The following LONP2 variants were observed in gnomAD, a reference collection of about 807,000 sequenced individuals.
The protein encoded by LONP2 is lon peptidase 2, peroxisomal.
LONP2 carries 60 observed loss-of-function variants against 85.6 expected under a neutral mutation model. That is an observed-to-expected ratio of 0.70 (90% CI 0.57 to 0.87). The LOEUF (loss-of-function observed/expected upper bound fraction) is 0.87. LONP2 is among the 40% of genes least tolerant of loss of function. The pLI, the probability that LONP2 is intolerant of heterozygous loss-of-function variation, is 0.00. For missense variants in LONP2, 860 were observed against 1,063.5 expected (o/e 0.81, Z 2.66); for synonymous variants, 395 against 389.7 (o/e 1.01, Z -0.16).
At chr16:48,286,028 G>A (rs938424848) in intron 8 of LONP2, among the ~76,000 whole-genome samples, 5 of 151,864 alleles carry the variant, frequency 3.3e-5, no homozygotes, top group Non-Finnish European at 7.4e-5. Flanking sequence ...TCATATAAGT[G>A]CATCATACGG....
chr16:48,279,501 G>A (rs1174686376), intron 8 of LONP2, among the ~76,000 whole-genome samples: 3 of 152,106 alleles, frequency 2.0e-5, no homozygotes, highest in Non-Finnish European at 4.4e-5. Context: ...GATTGGGGTC[G>A]GGGGTATCAC....
chr16:48,254,423 G>A (rs1271790871), intron 2 of LONP2, among the ~76,000 whole-genome samples: 4 of 151,032 alleles, frequency 2.6e-5, no homozygotes. Flanking sequence ...GAGTGCAGTG[G>A]TGCAATTTCG....
At chr16:48,262,990 A>AT (rs1356052727) in intron 6 of LONP2, 118 bp downstream of exon 6, 16 of 669,492 alleles carry the variant, frequency 2.4e-5, no homozygotes, top group Non-Finnish European at 1.8e-5. Context: ...TTTGTTTTCA[A>AT]TTTTTTTGAA....
In LONP2 at chr16:48,355,770, T is replaced by C. The variant is rs1299439332; in HGVS notation, c.*3968T>C. 1 of 152,230 alleles carries C rather than the reference T, an allele frequency of 6.6e-6. No individual in the cohort carries two copies. Among genetic ancestry groups the C allele is most frequent in the African/African-American group, 2.4e-5 (1 of 41,458 alleles). The allele number at this position is 152,230 out of a possible 1,614,324, so 9.4% of individuals were successfully genotyped here. ...GATGTTGAGCATTTTCTAGCATTGATTTTTAAGATGTTACCCAAAGACCCC... is the reference window on the plus strand; with the variant it reads ...GATGTTGAGCATTTTCTAGCATTGACTTTTAAGATGTTACCCAAAGACCCC... On this transcript the variant is annotated 3_prime_UTR_variant, in exon 15 of 15. Coordinates refer to ENST00000285737, the MANE Select transcript of LONP2 (RefSeq NM_031490.5).
At chr16:48,359,421 C>T (rs1201263491), downstream of LONP2, among the ~76,000 whole-genome samples, 1 of 152,198 alleles carries the variant, frequency 6.6e-6, no homozygotes, top group Non-Finnish European at 1.5e-5. Flanking sequence ...TGTTCTCTTT[C>T]ACCATAAAAA....
At chr16:48,260,933 T>C (rs931828229) in intron 4 of LONP2, among the ~76,000 whole-genome samples, 1 of 151,938 alleles carries the variant, frequency 6.6e-6, no homozygotes, top group Non-Finnish European at 1.5e-5. Flanking sequence ...AAACTAGAGG[T>C]AAGAAAAAAA....
At chr16:48,259,773 C>T (rs1322264135) in intron 4 of LONP2, among the ~76,000 whole-genome samples, 1 of 152,162 alleles carries the variant, frequency 6.6e-6, no homozygotes, top group South Asian at 2.1e-4. Context: ...TTAAAACATG[C>T]AGAAAGCTGG....
At chr16:48,276,705 A>T (rs1972216248) in intron 7 of LONP2, among the ~76,000 whole-genome samples, 1 of 152,232 alleles carries the variant, frequency 6.6e-6, no homozygotes, top group Non-Finnish European at 1.5e-5. Flanking sequence ...TGCATATGGG[A>T]TGAATACAGT....
At chr16:48,346,680 C>G (rs187270484) in intron 12 of LONP2, among the ~76,000 whole-genome samples, 1 of 152,116 alleles carries the variant, frequency 6.6e-6, no homozygotes, top group Non-Finnish European at 1.5e-5. Flanking sequence ...TATCGAACTC[C>G]TGGGCTCAAG....
At chr16:48,302,332 G>T (rs1330942412) in intron 10 of LONP2, among the ~76,000 whole-genome samples, 1 of 152,130 alleles carries the variant, frequency 6.6e-6, no homozygotes, top group African/African-American at 2.4e-5. Flanking sequence ...CTTTTTATCT[G>T]TCTTTTCTCA....
intron 2 of LONP2, among the ~76,000 whole-genome samples, chr16:48,252,677 G>C (rs907674414): frequency 6.6e-6 from 1 of 152,106 alleles, no homozygotes; most frequent in Non-Finnish European, 1.5e-5. Flanking sequence ...CTGCACAGAA[G>C]CTGTCTGTCA....
At chr16:48,282,494 T>C (rs1467758863) in intron 8 of LONP2, among the ~76,000 whole-genome samples, 1 of 152,120 alleles carries the variant, frequency 6.6e-6, no homozygotes, top group Non-Finnish European at 1.5e-5. Flanking sequence ...TCCAACATCT[T>C]ACTTCATGTC....
chr16:48,352,650 G>A lies in LONP2; in HGVS notation c.*848G>A, dbSNP rs1280324471. 1 of 152,174 alleles carries A rather than the reference G, an allele frequency of 6.6e-6. No individual in the cohort carries two copies. Among genetic ancestry groups the A allele is most frequent in the Admixed American group, 6.6e-5 (1 of 15,264 alleles). 9.4% of individuals were successfully genotyped at this position (152,174 alleles called of 1,614,324 possible). A position where few individuals can be genotyped will look rare whatever the true frequency, so the allele number is the denominator to read the frequency against. On this transcript the variant is annotated 3_prime_UTR_variant, in exon 15 of 15. Coordinates refer to ENST00000285737, the MANE Select transcript of LONP2 (RefSeq NM_031490.5). Reference sequence around the variant, plus strand: ...CTGTCTCTAAAAAAAAAAGACTCAAGTGGACCCTACAATGAAGCCTACACA... The same window carrying A: ...CTGTCTCTAAAAAAAAAAGACTCAAATGGACCCTACAATGAAGCCTACACA...
At chr16:48,343,950 T>G (rs1412439172) in intron 12 of LONP2, 1 of 152,168 alleles carries the variant, frequency 6.6e-6, no homozygotes, top group East Asian at 1.9e-4. Flanking sequence ...GGGAAAAACA[T>G]TCTAGACTTC....
chr16:48,348,009 A>G (rs1960022087), intron 13 of LONP2, 91 bp from the exon 14 acceptor site: 1 of 1,224,904 alleles, frequency 8.2e-7, no homozygotes, highest in South Asian at 1.4e-5. Flanking sequence ...ATTTACCCAA[A>G]ACATTCATTT....
intron 11 of LONP2, among the ~76,000 whole-genome samples, chr16:48,322,394 C>G (rs1328770138): frequency 6.6e-6 from 1 of 152,154 alleles, no homozygotes; most frequent in South Asian, 2.1e-4. Context: ...TTAGCCCAGT[C>G]CTGAACTAGG....
chr16:48,267,295 A>G (rs1034719957), intron 6 of LONP2, among the ~76,000 whole-genome samples: 1 of 152,146 alleles, frequency 6.6e-6, no homozygotes, highest in Non-Finnish European at 1.5e-5. Context: ...AACCATGAAA[A>G]TGCCATTCAT....
intron 11 of LONP2, among the ~76,000 whole-genome samples, chr16:48,307,465 C>T (rs538772661): frequency 1.1e-4 from 17 of 152,222 alleles, no homozygotes; most frequent in African/African-American, 2.6e-4. Flanking sequence ...TGTTTAAGTA[C>T]CCATGTATCA....
In LONP2 at chr16:48,244,393, C is replaced by A; in HGVS notation, c.5C>A (p.Ser2Ter). Residue 2 changes from serine to a stop codon, truncating the protein, a stop_gained, in exon 1 of 15, where the codon TCA (serine) becomes TAA (stop). Transcript: ENST00000285737. LOFTEE classifies it high-confidence loss of function. ...CCAGTGCGAAAGGCTGCCAGCATGT[C>A]ATCAGTGAGCCCCATCCAGATCCCC... M[S>*]SVSPIQIPSR... 1 of 1,547,916 alleles carries A rather than the reference C, an allele frequency of 6.5e-7. No individual in the cohort carries two copies. The highest frequency in any genetic ancestry group is 8.7e-7 in the Non-Finnish European group (1 of 1,152,080).
Sources: allele counts gnomAD v4.1 joint callset (sites outside exome capture counted in the v4.1 genomes callset), GRCh38; gene constraint gnomAD v4.1.1; transcripts MANE v1.5; gene names NCBI Gene and HGNC (gene_info 2026-07-23, HGNC 2026-07-21).